Variants in NOL4 observed in about 807,000 individuals in gnomAD.
NOL4 encodes cancer/testis antigen 125.
A neutral mutation model predicts 75.9 loss-of-function variants in NOL4; 17 were observed. That is an observed-to-expected ratio of 0.22 (90% CI 0.15 to 0.34). The LOEUF is 0.34. NOL4 is among the 10% of genes least tolerant of loss of function. NOL4 has a pLI of 1.00. For synonymous variants in NOL4, 292 were observed against 289.9 expected (o/e 1.01, Z -0.07); for missense variants, 614 against 793.5 (o/e 0.77, Z 2.72).
chr18:34,120,330 T>C (rs558785914), intron 2 of NOL4, among the ~76,000 whole-genome samples: 1 of 152,288 alleles, frequency 6.6e-6, no homozygotes, highest in African/African-American at 2.4e-5. Context: ...CATCATAAGC[T>C]AGCACATATA....
chr18:34,084,090 G>A (rs1431495303), intron 5 of NOL4, among the ~76,000 whole-genome samples: 2 of 152,136 alleles, frequency 1.3e-5, no homozygotes, highest in Non-Finnish European at 2.9e-5. Context: ...CGGCTGGAAC[G>A]CTCCCATATG....
chr18:34,141,453 C>A (rs1213280255), intron 1 of NOL4, among the ~76,000 whole-genome samples: 1 of 152,130 alleles, frequency 6.6e-6, no homozygotes, highest in Non-Finnish European at 1.5e-5. Flanking sequence ...GCTACAGTAA[C>A]CAAAACAGCA....
chr18:34,127,416 AAAG>A (rs1312566356), intron 2 of NOL4, among the ~76,000 whole-genome samples: 1 of 151,880 alleles, frequency 6.6e-6, no homozygotes, highest in African/African-American at 2.4e-5. Flanking sequence ...AAAAGGAGAA[AAAG>A]AAGGTCAATA....
intron 5 of NOL4, among the ~76,000 whole-genome samples, chr18:34,066,701 AC>A (rs913332663): frequency 4.3e-4 from 65 of 151,578 alleles, no homozygotes; most frequent in African/African-American, 1.4e-3. Flanking sequence ...AAAAAAAAAA[AC>A]AACACTGAAG....
chr18:34,195,828 C>T (rs2035286480), intron 1 of NOL4, among the ~76,000 whole-genome samples: 1 of 143,344 alleles, frequency 7.0e-6, no homozygotes, highest in South Asian at 2.1e-4. Context: ...AGCATTGCTT[C>T]AGTAAGTTAA....
intron 9 of NOL4, among the ~76,000 whole-genome samples, chr18:33,898,268 T>C (rs990487361): frequency 5.9e-5 from 9 of 152,156 alleles, no homozygotes; most frequent in African/African-American, 2.2e-4. Flanking sequence ...ACATTCTCTT[T>C]TGGTAAAATA....
intron 1 of NOL4, among the ~76,000 whole-genome samples, chr18:34,158,014 A>T (rs914471839): frequency 2.0e-5 from 3 of 152,192 alleles, no homozygotes; most frequent in East Asian, 1.9e-4. Flanking sequence ...TATCAGCTTT[A>T]AAAAAAAGAA....
chr18:34,128,746 T>C, intron 2 of NOL4: 1 of 276,444 alleles, frequency 3.6e-6, no homozygotes, highest in Non-Finnish European at 5.5e-6. Flanking sequence ...GGGGTTATTA[T>C]GCAACTACAA....
At chr18:34,061,580 T>G (rs2077063803) in intron 5 of NOL4, among the ~76,000 whole-genome samples, 1 of 152,116 alleles carries the variant, frequency 6.6e-6, no homozygotes, top group African/African-American at 2.4e-5. Context: ...ACAACATAGC[T>G]TGAATGACAC....
intron 5 of NOL4, among the ~76,000 whole-genome samples, chr18:34,083,746 A>T (rs1445743684): frequency 1.3e-5 from 2 of 152,208 alleles, no homozygotes; most frequent in African/African-American, 4.8e-5. Context: ...ACTTTAACAT[A>T]CCAAAGCTAC....
intron 5 of NOL4, among the ~76,000 whole-genome samples, chr18:34,060,607 T>A (rs1469620351): frequency 6.6e-6 from 1 of 152,224 alleles, no homozygotes; most frequent in Non-Finnish European, 1.5e-5. Context: ...TTGATCTTGT[T>A]TTGTTTTTTA....
At chr18:34,168,191 ACC>A (rs897555866) in intron 1 of NOL4, among the ~76,000 whole-genome samples, 1 of 151,966 alleles carries the variant, frequency 6.6e-6, no homozygotes, top group Non-Finnish European at 1.5e-5. Flanking sequence ...CCTGTAGAAT[ACC>A]CAAAAAAAGA....
In NOL4 at chr18:33,926,562, C is replaced by T. The variant is rs144862358; in HGVS notation, c.1542+16503G>A. ...GACATTGGTAGAGTAAAAGGCTTTG[C>T]TTTAGTTGCTGGGTTTTTAGATGGA... On this transcript the variant is annotated intron_variant, in intron 9 of 10. Coordinates refer to ENST00000261592, the MANE Select transcript of NOL4 (RefSeq NM_003787.5). Among the ~76,000 whole-genome samples the T allele has an allele frequency of 4.7e-3, 722 of 152,158 alleles. 9 individuals carry two copies. Among genetic ancestry groups the T allele is most frequent in the African/African-American group, 0.016 (673 of 41,526 alleles).
intron 9 of NOL4, among the ~76,000 whole-genome samples, chr18:33,919,970 C>T (rs941861087): frequency 5.3e-5 from 8 of 152,212 alleles, no homozygotes; most frequent in Non-Finnish European, 7.4e-5. Context: ...TAATAGACTA[C>T]GTATATTTTC....
chr18:34,192,414 G>A (rs2034987143), intron 1 of NOL4, among the ~76,000 whole-genome samples: 1 of 152,044 alleles, frequency 6.6e-6, no homozygotes, highest in Non-Finnish European at 1.5e-5. Context: ...AAGCAATCTT[G>A]AGCAAAACCA....
chr18:34,164,656 G>T (rs1240524238), intron 1 of NOL4, among the ~76,000 whole-genome samples: 1 of 152,020 alleles, frequency 6.6e-6, no homozygotes, highest in South Asian at 2.1e-4. Flanking sequence ...CTGTAAACTA[G>T]TTCAACCATT....
chr18:34,003,761 T>C (rs2073874197), intron 6 of NOL4, among the ~76,000 whole-genome samples: 1 of 152,050 alleles, frequency 6.6e-6, no homozygotes, highest in South Asian at 2.1e-4. Flanking sequence ...CTTACTGCCT[T>C]GTAAACTAAA....
At chr18:33,940,745 A>T (rs1004642627) in intron 9 of NOL4, among the ~76,000 whole-genome samples, 11 of 151,926 alleles carry the variant, frequency 7.2e-5, no homozygotes, top group Non-Finnish European at 1.6e-4. Flanking sequence ...AGAAAACAGT[A>T]TTTTTTTGTG....
intron 5 of NOL4, among the ~76,000 whole-genome samples, chr18:34,035,546 A>T (rs1404657737): frequency 6.6e-6 from 1 of 152,068 alleles, no homozygotes; most frequent in Non-Finnish European, 1.5e-5. Context: ...AATAATGTAG[A>T]TTTCAAATAA....
Sources: gnomAD v4.1 joint callset for allele counts (sites outside exome capture counted in the v4.1 genomes callset) on GRCh38, gnomAD v4.1.1 for gene constraint, MANE v1.5 for transcripts, NCBI Gene and HGNC (gene_info 2026-07-23, HGNC 2026-07-21) for gene names.